Variants in PACRGL observed in about 807,000 individuals in gnomAD.
PACRGL encodes PACRG-like protein.
Under a neutral mutation model 34.5 loss-of-function variants are expected in PACRGL, and 38 were observed. The observed-to-expected ratio is 1.10, with a 90% CI of 0.85 to 1.44. The LOEUF (loss-of-function observed/expected upper bound fraction) is 1.44. Among genes scored for constraint, PACRGL ranks in the 40% most tolerant of loss-of-function variants. PACRGL has a pLI of 0.00. For synonymous variants in PACRGL, 128 were observed against 100.1 expected, an observed-to-expected ratio of 1.28 and a Z score of -1.66; for missense variants, 305 against 281.4, an observed-to-expected ratio of 1.08 and a Z score of -0.60.
At chr4:20,741,640 T>TTAAAAGAAGTAGAGAATTA (rs1751139754) in intron 8 of PACRGL, among the ~76,000 whole-genome samples, 2 of 152,114 alleles carry the variant, frequency 1.3e-5, no homozygotes, top group Admixed American at 1.3e-4. Flanking sequence ...ATCAACACCC[T>TTAAAAGAAGTAGAGAATTA]AACATCACAA....
At chr4:20,710,795 C>A (rs976052705) in intron 5 of PACRGL, among the ~76,000 whole-genome samples, 4 of 147,484 alleles carry the variant, frequency 2.7e-5, no homozygotes, top group Non-Finnish European at 6.0e-5. Flanking sequence ...CAGTTACTAG[C>A]AAAAACTATA....
Position 20,727,351 on chromosome 4 carries a change from C to T in PACRGL, c.*10C>T, listed in dbSNP as rs1746207636. 1 of 1,607,610 alleles carries T rather than the reference C, an allele frequency of 6.2e-7. No homozygotes were observed. Among genetic ancestry groups the T allele is most frequent in the Non-Finnish European group, 8.5e-7 (1 of 1,174,524 alleles). ...CTCCATATGCTGTTGAAGAAGGGAG[C>T]CAACAAAAATTGTTTTTTCTACCTG... On this transcript the variant is annotated 3_prime_UTR_variant, in exon 9 of 9. Coordinates refer to ENST00000503585, the MANE Select transcript of PACRGL (RefSeq NM_001258345.3).
chr4:20,766,956 A>C, the PACRGL span: 2 of 152,212 alleles, frequency 1.3e-5, no homozygotes, highest in Non-Finnish European at 2.9e-5. Context: ...GGGGACAGGA[A>C]TTGACCTCAG....
At chr4:20,737,843 A>G (rs1334172690) in intron 8 of PACRGL, among the ~76,000 whole-genome samples, 1 of 152,236 alleles carries the variant, frequency 6.6e-6, no homozygotes, top group Non-Finnish European at 1.5e-5. Context: ...ATCTTGCACA[A>G]CCAGCAGGCT....
chr4:20,741,876 G>T (rs1338674814), intron 8 of PACRGL, among the ~76,000 whole-genome samples: 1 of 152,142 alleles, frequency 6.6e-6, no homozygotes, highest in South Asian at 2.1e-4. Context: ...AATAAAAAAT[G>T]ATAAAGGGGA....
chr4:20,699,976 T>G (rs1163519329), upstream of PACRGL, among the ~76,000 whole-genome samples: 1 of 152,168 alleles, frequency 6.6e-6, no homozygotes, highest in Non-Finnish European at 1.5e-5. Flanking sequence ...TTTCCACAGC[T>G]AGGCTTATGA....
chr4:20,708,471 C>G (rs560575262), intron 4 of PACRGL, among the ~76,000 whole-genome samples: 145 of 152,068 alleles, frequency 9.5e-4, no homozygotes, highest in Non-Finnish European at 1.7e-3. Context: ...TTCCAAAATT[C>G]AAGAAATCTA....
rs1232524804 is a variant in PACRGL at position 20,713,487 on chromosome 4, G to A, written c.557G>A (p.Ser186Asn). 1.9e-6 allele frequency: 3 copies of A among 1,613,644 alleles called. No homozygotes were observed. The highest frequency in any genetic ancestry group is 2.5e-6 in the Non-Finnish European group (3 of 1,179,800). ...GGATTGAATGCTCTAGTTCAGCTAA[G>A]TGTCGTTGTTGGTCCTTCTCTAAAC... Reference protein sequence around the residue: ...ERGLNALVQLSVVVGPSLNDH... With the variant: ...ERGLNALVQLNVVVGPSLNDH... Residue 186 changes from serine to asparagine, a missense_variant, in exon 7 of 9, where the codon AGT (serine) becomes AAT (asparagine). By Grantham distance (46) the Ser-to-Asn change is conservative (BLOSUM62 1). Coordinates refer to ENST00000503585, the MANE Select transcript of PACRGL (RefSeq NM_001258345.3).
chr4:20,767,160 A>G, the PACRGL span: 5 of 152,234 alleles, frequency 3.3e-5, no homozygotes, highest in Non-Finnish European at 7.3e-5. Flanking sequence ...AATCATATTT[A>G]TCAACGTGGT....
At chr4:20,710,003 A>T (rs1022209205) in intron 5 of PACRGL, among the ~76,000 whole-genome samples, 9 of 152,194 alleles carry the variant, frequency 5.9e-5, no homozygotes, top group African/African-American at 2.2e-4. Flanking sequence ...AGGGATTTGT[A>T]GATAACTAGA....
Position 20,731,814 on chromosome 4 carries a change from T to C in PACRGL, c.*4473T>C. 3.0e-6 allele frequency: 3 copies of C among 985,394 alleles called. No individual in the cohort carries two copies. Among genetic ancestry groups the C allele is most frequent in the Non-Finnish European group, 3.6e-6 (3 of 829,924 alleles). 61.0% of individuals were successfully genotyped at this position (985,394 alleles called of 1,614,324 possible). A position where few individuals can be genotyped will look rare whatever the true frequency, so the allele number is the denominator to read the frequency against. ...GGGTTTCCTCCATAGCCTGACTCAG[T>C]GGGCACTCTAAATGTTGATTATGTA... On this transcript the variant is annotated 3_prime_UTR_variant, in exon 9 of 9. Coordinates refer to ENST00000503585, the MANE Select transcript of PACRGL (RefSeq NM_001258345.3).
chr4:20,707,353 C>G (rs1052189614), intron 3 of PACRGL, among the ~76,000 whole-genome samples: 1 of 152,142 alleles, frequency 6.6e-6, no homozygotes, highest in African/African-American at 2.4e-5. Context: ...CAATTCTCTC[C>G]CTCCTGCCCA....
chr4:20,713,802 C>G (rs967201870), intron 7 of PACRGL, among the ~76,000 whole-genome samples: 1 of 152,046 alleles, frequency 6.6e-6, no homozygotes, highest in Non-Finnish European at 1.5e-5. Flanking sequence ...TGTAGCTGAG[C>G]GGTTTTGAGT....
chr4:20,720,961 C>G (rs1394947293), intron 7 of PACRGL, among the ~76,000 whole-genome samples: 1 of 152,188 alleles, frequency 6.6e-6, no homozygotes, highest in Non-Finnish European at 1.5e-5. Flanking sequence ...TTCAGGTACA[C>G]CAATCAGACG....
upstream of PACRGL, among the ~76,000 whole-genome samples, chr4:20,699,586 T>C (rs1023468406): frequency 2.5e-4 from 38 of 152,188 alleles, no homozygotes; most frequent in Admixed American, 2.2e-3. Context: ...AGGATGGAGC[T>C]ACAGGAGCAC....
At chr4:20,745,738 T>C (rs551333335) in intron 8 of PACRGL, among the ~76,000 whole-genome samples, 1 of 152,294 alleles carries the variant, frequency 6.6e-6, no homozygotes, top group East Asian at 1.9e-4. Context: ...GTGGATTCTG[T>C]TCATCTGCCA....
the PACRGL span, among the ~76,000 whole-genome samples, chr4:20,764,390 A>T: frequency 6.6e-6 from 1 of 152,086 alleles, no homozygotes; most frequent in African/African-American, 2.4e-5. Context: ...GCATCCATTG[A>T]ACTTACCATA....
chr4:20,742,394 G>T (rs967766759), intron 8 of PACRGL, among the ~76,000 whole-genome samples: 1 of 152,114 alleles, frequency 6.6e-6, no homozygotes, highest in African/African-American at 2.4e-5. Context: ...TCATCCCTGG[G>T]ATGCAAGGCT....
chr4:20,698,235 C>G (rs1482008133), upstream of PACRGL, among the ~76,000 whole-genome samples: 1 of 152,100 alleles, frequency 6.6e-6, no homozygotes, highest in Non-Finnish European at 1.5e-5. Flanking sequence ...TGAGAGCAAA[C>G]AGAAAATATA....
Sources: allele counts gnomAD v4.1 joint callset (sites outside exome capture counted in the v4.1 genomes callset), GRCh38; gene constraint gnomAD v4.1.1; transcripts MANE v1.5; gene names NCBI Gene and HGNC (gene_info 2026-07-23, HGNC 2026-07-21).